The following SLC9A9 variants were observed in gnomAD, a reference collection of about 807,000 sequenced individuals.
The protein encoded by SLC9A9 is solute carrier family 9 member A9.
A neutral mutation model predicts 77.8 loss-of-function variants in SLC9A9; 62 were observed. That is an observed-to-expected ratio of 0.80 (90% confidence interval 0.65 to 0.98). SLC9A9 has a LOEUF of 0.98. Among genes scored for constraint, SLC9A9 ranks in the 50% least tolerant of loss-of-function variants. SLC9A9 has a pLI of 0.00. For missense variants in SLC9A9, 775 were observed against 774.9 expected (o/e 1.00, Z 0.00); for synonymous variants, 320 against 283.5 (o/e 1.13, Z -1.29).
intron 6 of SLC9A9, among the ~76,000 whole-genome samples, chr3:143,611,224 T>C (rs2038017461): frequency 6.6e-6 from 1 of 152,084 alleles, no homozygotes; most frequent in East Asian, 1.9e-4. Flanking sequence ...ATTGATAGAA[T>C]ATAGATAAAA....
chr3:143,563,531 C>G (rs2037121204), intron 8 of SLC9A9, among the ~76,000 whole-genome samples: 1 of 152,108 alleles, frequency 6.6e-6, no homozygotes, highest in African/African-American at 2.4e-5. Context: ...ATTGCCTCGT[C>G]CATTGCTTTC....
intron 14 of SLC9A9, among the ~76,000 whole-genome samples, chr3:143,274,485 G>A (rs929970339): frequency 1.3e-5 from 2 of 152,108 alleles, no homozygotes; most frequent in African/African-American, 4.8e-5. Context: ...ACTCTCTGTT[G>A]GGGAAGAAAG....
At chr3:143,449,994 A>ATAT (rs376199740) in intron 12 of SLC9A9, among the ~76,000 whole-genome samples, 30,365 of 78,878 alleles carry the variant, frequency 0.38, 5,575 homozygotes, top group East Asian at 0.5. Flanking sequence ...GTATATATAC[A>ATAT]TATATATACA....
At chr3:143,470,585 C>T (rs1173066032) in intron 11 of SLC9A9, among the ~76,000 whole-genome samples, 2 of 151,934 alleles carry the variant, frequency 1.3e-5, no homozygotes, top group Admixed American at 6.6e-5. Flanking sequence ...TGGCAAAGTA[C>T]GTAACATTAG....
intron 4 of SLC9A9, among the ~76,000 whole-genome samples, chr3:143,731,789 C>A (rs894247653): frequency 6.6e-6 from 1 of 152,200 alleles, no homozygotes; most frequent in African/African-American, 2.4e-5. Flanking sequence ...CCTACTATAT[C>A]TTTTTCCTAG....
At chr3:143,780,298 A>G (rs1329063461) in intron 4 of SLC9A9, among the ~76,000 whole-genome samples, 1 of 152,224 alleles carries the variant, frequency 6.6e-6, no homozygotes, top group Non-Finnish European at 1.5e-5. Context: ...CCCAATTAGT[A>G]AAAGGTGATG....
chr3:143,773,198 C>A (rs968094526), intron 4 of SLC9A9, among the ~76,000 whole-genome samples: 1 of 152,166 alleles, frequency 6.6e-6, no homozygotes, highest in Middle Eastern at 3.4e-3. Context: ...GGGGGAAAAG[C>A]CCTGATTTGT....
chr3:143,799,596 C>T (rs765485174), intron 2 of SLC9A9, among the ~76,000 whole-genome samples: 10 of 152,292 alleles, frequency 6.6e-5, no homozygotes, highest in East Asian at 1.9e-4. Flanking sequence ...AAGGAATGCC[C>T]GCAGACCAGG....
rs146303925 is a variant in SLC9A9 at position 143,550,902 on chromosome 3, T to C, written c.1089+1460A>G. On this transcript the variant is annotated intron_variant, in intron 9 of 15. Coordinates refer to ENST00000316549, the MANE Select transcript of SLC9A9 (RefSeq NM_173653.4). ...CCTAGGACCCTTCAATGACTTCTTG[T>C]TATGGGCTGAACTGTGCTCCTCCAA... Among the ~76,000 whole-genome samples the C allele has an allele frequency of 3.9e-3, 594 of 152,304 alleles. 3 individuals carry two copies. The highest frequency in any genetic ancestry group is 0.014 in the Middle Eastern group (4 of 294).
chr3:143,697,689 T>TACAC (rs144005213), intron 4 of SLC9A9, among the ~76,000 whole-genome samples: 14,183 of 148,602 alleles, frequency 0.095, 781 homozygotes, highest in African/African-American at 0.15. Context: ...TGTGTGTGAG[T>TACAC]ACACACACAC....
At chr3:143,559,010 G>C (rs57077045) in intron 8 of SLC9A9, among the ~76,000 whole-genome samples, 19,762 of 152,066 alleles carry the variant, frequency 0.13, 1,633 homozygotes, top group African/African-American at 0.22. Context: ...TCTCATGATA[G>C]TGAGTTCTCA....
At chr3:143,290,232 G>C (rs181424680) in intron 14 of SLC9A9, among the ~76,000 whole-genome samples, 5 of 152,146 alleles carry the variant, frequency 3.3e-5, no homozygotes, top group Admixed American at 2.0e-4. Context: ...GGCATAAAAT[G>C]GGATGGTCCA....
At chr3:143,713,498 G>A (rs1378011243) in intron 4 of SLC9A9, among the ~76,000 whole-genome samples, 1 of 152,082 alleles carries the variant, frequency 6.6e-6, no homozygotes, top group Non-Finnish European at 1.5e-5. Flanking sequence ...GAAAGGCAGG[G>A]GAACAAAAAG....
intron 4 of SLC9A9, among the ~76,000 whole-genome samples, chr3:143,777,083 C>T (rs932268611): frequency 7.9e-5 from 12 of 152,050 alleles, no homozygotes; most frequent in Non-Finnish European, 1.5e-4. Context: ...ATTTTGTGGC[C>T]TCTTCTCTGA....
chr3:143,575,977 C>T (rs917488519), intron 7 of SLC9A9, among the ~76,000 whole-genome samples: 11 of 151,978 alleles, frequency 7.2e-5, no homozygotes, highest in Non-Finnish European at 1.2e-4. Context: ...CTGTTTCTTC[C>T]GTCTCTACAC....
chr3:143,328,025 CTA>C (rs2031653883), intron 14 of SLC9A9, among the ~76,000 whole-genome samples: 1 of 152,160 alleles, frequency 6.6e-6, no homozygotes, highest in African/African-American at 2.4e-5. Context: ...CAAGTACTAT[CTA>C]TTTTCTCTGC....
chr3:143,459,311 A>G (rs577508177), intron 12 of SLC9A9, among the ~76,000 whole-genome samples: 2 of 152,228 alleles, frequency 1.3e-5, no homozygotes, highest in East Asian at 3.9e-4. Flanking sequence ...TTCATATGCT[A>G]AAAAAATTAT....
intron 14 of SLC9A9, among the ~76,000 whole-genome samples, chr3:143,361,742 A>T (rs1000862519): frequency 7.2e-5 from 11 of 152,320 alleles, no homozygotes; most frequent in Admixed American, 7.2e-4. Context: ...TCATATGGAA[A>T]TAAACCCCTG....
intron 4 of SLC9A9, among the ~76,000 whole-genome samples, chr3:143,772,597 C>A (rs1312219730): frequency 6.6e-6 from 1 of 152,188 alleles, no homozygotes; most frequent in East Asian, 1.9e-4. Context: ...CGGGAAGGAA[C>A]TGTAGCCACT....
Sources: allele counts gnomAD v4.1 joint callset (sites outside exome capture counted in the v4.1 genomes callset), GRCh38; gene constraint gnomAD v4.1.1; transcripts MANE v1.5; gene names NCBI Gene and HGNC (gene_info 2026-07-23, HGNC 2026-07-21).